Variants in MAGI2 observed in about 807,000 individuals in gnomAD.
MAGI2 encodes membrane associated guanylate kinase, WW and PDZ domain containing 2, also known as membrane-associated guanylate kinase, WW and PDZ domain-containing protein 2.
Under a neutral mutation model 133.3 loss-of-function variants are expected in MAGI2, and 35 were observed. That is an observed-to-expected ratio of 0.26 (90% CI 0.20 to 0.35). MAGI2 has a LOEUF of 0.35. Ranked by LOEUF, MAGI2 falls within the 10% of genes least tolerant of loss-of-function variation. The probability of loss-of-function intolerance (pLI) is 1.00; values close to 1 mark genes in which losing one functional copy is unlikely to be tolerated. For missense variants in MAGI2, 1,636 were observed against 1,863.4 expected (o/e 0.88, Z 2.25); for synonymous variants, 729 against 710.6 (o/e 1.03, Z -0.41).
intron 9 of MAGI2, among the ~76,000 whole-genome samples, chr7:78,341,009 G>A (rs1236044956): frequency 2.0e-5 from 3 of 152,144 alleles, no homozygotes; most frequent in African/African-American, 7.2e-5. Flanking sequence ...AAAAGAGGAA[G>A]TCAAATAGTC....
At chr7:78,109,338 AAAAG>A in intron 20 of MAGI2, among the ~76,000 whole-genome samples, 1 of 137,308 alleles carries the variant, frequency 7.3e-6, no homozygotes, top group Non-Finnish European at 1.6e-5. Flanking sequence ...AAAAAAAGAA[AAAAG>A]AAAAAAAAAA....
chr7:79,046,275 TA>T (rs1389763189), intron 1 of MAGI2, among the ~76,000 whole-genome samples: 2 of 152,064 alleles, frequency 1.3e-5, no homozygotes, highest in Non-Finnish European at 2.9e-5. Flanking sequence ...TAAGGTGAGG[TA>T]ATCCAATCTG....
intron 1 of MAGI2, among the ~76,000 whole-genome samples, chr7:79,147,750 T>C (rs1432037686): frequency 1.4e-5 from 2 of 144,830 alleles, no homozygotes; most frequent in African/African-American, 2.9e-5. Flanking sequence ...CCCCAGGGAA[T>C]GGAGCAGGAG....
chr7:78,381,795 CA>C (rs2151293267), intron 6 of MAGI2, among the ~76,000 whole-genome samples: 1 of 152,270 alleles, frequency 6.6e-6, no homozygotes, highest in Admixed American at 6.5e-5. Context: ...CTTGACAACA[CA>C]CTCTTAGACA....
rs899541283 is a variant in MAGI2 at position 78,853,503 on chromosome 7, A to G, written c.418+153587T>C. Among the ~76,000 whole-genome samples, 10 of 151,020 alleles carry G rather than the reference A, an allele frequency of 6.6e-5. 1 individual carries two copies. The highest frequency in any genetic ancestry group is 6.6e-4 in the Admixed American group (10 of 15,140). The stretch of plus-strand genomic sequence containing the variant: ...CCTGAGTAGCTGTGACTACAGACAC[A>G]TGCCACAAAGCCTGGCTAATTTTTT... On this transcript the variant is annotated intron_variant, in intron 2 of 21. Transcript: ENST00000354212.
intron 1 of MAGI2, among the ~76,000 whole-genome samples, chr7:79,234,636 C>T (rs1163821816): frequency 6.6e-6 from 1 of 152,052 alleles, no homozygotes; most frequent in East Asian, 1.9e-4. Flanking sequence ...CCTTGGTTTT[C>T]AGCTCCATCA....
chr7:79,389,319 T>G (rs1844436446), intron 1 of MAGI2, among the ~76,000 whole-genome samples: 1 of 152,140 alleles, frequency 6.6e-6, no homozygotes, highest in African/African-American at 2.4e-5. Flanking sequence ...ATCATAAAAT[T>G]TCTTATGGAA....
At chr7:79,258,689 G>A (rs1041916113) in intron 1 of MAGI2, among the ~76,000 whole-genome samples, 9 of 152,144 alleles carry the variant, frequency 5.9e-5, no homozygotes, top group Admixed American at 4.6e-4. Flanking sequence ...GCTAATCACA[G>A]TACTATCGTG....
chr7:78,874,820 G>T (rs1795294808), intron 2 of MAGI2, among the ~76,000 whole-genome samples: 1 of 152,132 alleles, frequency 6.6e-6, no homozygotes, highest in African/African-American at 2.4e-5. Context: ...GTAACGGATA[G>T]GCTAATTGCC....
chr7:78,816,383 A>G (rs971104225), intron 2 of MAGI2, among the ~76,000 whole-genome samples: 1 of 152,240 alleles, frequency 6.6e-6, no homozygotes, highest in African/African-American at 2.4e-5. Flanking sequence ...AGCTAAAATA[A>G]TTGATGAAAG....
intron 3 of MAGI2, among the ~76,000 whole-genome samples, chr7:78,602,052 T>A (rs1200629051): frequency 3.9e-5 from 6 of 152,214 alleles, no homozygotes; most frequent in African/African-American, 1.4e-4. Context: ...TTTTAAGCAT[T>A]TCAGAAGTCT....
chr7:79,097,564 C>T (rs996992175), intron 1 of MAGI2, among the ~76,000 whole-genome samples: 14 of 152,206 alleles, frequency 9.2e-5, no homozygotes, highest in African/African-American at 3.1e-4. Flanking sequence ...GAGATAGAAC[C>T]TCAGGGGTAC....
intron 1 of MAGI2, among the ~76,000 whole-genome samples, chr7:79,262,894 C>T (rs1017135974): frequency 6.6e-6 from 1 of 152,170 alleles, no homozygotes. Context: ...TGAGAGGTGC[C>T]TTTTCAAAAA....
At chr7:78,611,924 C>G (rs888927340) in intron 3 of MAGI2, among the ~76,000 whole-genome samples, 1 of 152,178 alleles carries the variant, frequency 6.6e-6, no homozygotes, top group Non-Finnish European at 1.5e-5. Flanking sequence ...CCAACTACCC[C>G]CAGAAGCTTC....
intron 1 of MAGI2, 191 bp downstream of exon 1, chr7:79,452,829 C>G: frequency 1.6e-6 from 1 of 614,606 alleles, no homozygotes; most frequent in East Asian, 2.9e-5. Flanking sequence ...ACACCACAAC[C>G]TGCCCCTCCC....
intron 1 of MAGI2, among the ~76,000 whole-genome samples, chr7:79,357,503 A>T (rs848948): frequency 0.14 from 21,723 of 152,240 alleles, 1,725 homozygotes; most frequent in Middle Eastern, 0.19. Flanking sequence ...TCCTCTCTTA[A>T]GGCTGCCCTG....
At chr7:78,826,228 C>T (rs534318667) in intron 2 of MAGI2, among the ~76,000 whole-genome samples, 29 of 151,790 alleles carry the variant, frequency 1.9e-4, no homozygotes, top group Admixed American at 1.5e-3. Context: ...GTGGCAGGCG[C>T]CTGTAGTCCC....
At chr7:79,228,663 C>G (rs1585258471) in intron 1 of MAGI2, among the ~76,000 whole-genome samples, 1 of 152,090 alleles carries the variant, frequency 6.6e-6, no homozygotes, top group East Asian at 1.9e-4. Flanking sequence ...AAGCGTAAGT[C>G]AGATTGTTAT....
rs142662190 is a variant in MAGI2, at chr7:78,639,102, A to C, written c.419-11863T>G. ...CTTCATCGCATGGAAGGTTTAGTGG[A>C]TCATAACTTTATCATTTTATCACTG... On this transcript the variant is annotated intron_variant, in intron 2 of 21. Coordinates refer to ENST00000354212, the MANE Select transcript of MAGI2 (RefSeq NM_012301.4). 1.4e-3 allele frequency among the ~76,000 whole-genome samples: 217 copies of C among 152,332 alleles called. 4 individuals are homozygous for C. In the South Asian group the frequency reaches 0.031, roughly 22 times the overall value.
Sources: gnomAD v4.1 joint callset for allele counts (sites outside exome capture counted in the v4.1 genomes callset) on GRCh38, gnomAD v4.1.1 for gene constraint, MANE v1.5 for transcripts, NCBI Gene and HGNC (gene_info 2026-07-23, HGNC 2026-07-21) for gene names.